The following ZRANB1 variants were observed in gnomAD, a reference collection of about 807,000 sequenced individuals.
ZRANB1 encodes zinc finger RANBP2-type containing 1.
Under a neutral mutation model 80.5 loss-of-function variants are expected in ZRANB1, and 16 were observed. The observed-to-expected ratio is 0.20, with a 90% CI of 0.13 to 0.30. The LOEUF (loss-of-function observed/expected upper bound fraction) is 0.30. ZRANB1 is among the 10% of genes least tolerant of loss of function. ZRANB1 has a pLI of 1.00. For synonymous variants in ZRANB1, 291 were observed against 293.1 expected (o/e 0.99, Z 0.07); for missense variants, 576 against 862.6 (o/e 0.67, Z 4.16).
intron 5 of ZRANB1, among the ~76,000 whole-genome samples, chr10:124,974,734 A>G (rs1038671721): frequency 6.6e-6 from 1 of 152,250 alleles, no homozygotes; most frequent in Non-Finnish European, 1.5e-5. Context: ...TTCAAGTTAT[A>G]TATAGTAGCC....
chr10:124,983,022 ATTAT>A lies in ZRANB1; in HGVS notation c.1549-150_1549-147del, dbSNP rs1271768389. On this transcript the variant is annotated intron_variant, in intron 6 of 8. Transcript: ENST00000359653. This position sits in a 1 kb window ranked among gnomAD's most constrained non-coding sequence, Gnocchi z 6.2. The stretch of plus-strand genomic sequence containing the variant: ...TTTCTTTTACAGTTTTACTGGATTT[ATTAT>A]TTGAGGAATCAAATGCTGCTTTGAC... Among the ~76,000 whole-genome samples the A allele has an allele frequency of 6.6e-6, 1 of 152,216 alleles. No homozygotes were observed.
Position 124,942,713 on chromosome 10 carries a change from C to T in ZRANB1, c.220C>T (p.Pro74Ser), listed in dbSNP as rs1474898494. ...GATATGTCCAGACTCTAGTGCAAGA[C>T]CAAGGGTGAAATCTTCGTATAGCAT... ...PLICPDSSAR[P>S]RVKSSYSMEN... is the part of the protein sequence containing the mutation. Residue 74 changes from proline (P) to serine (S), a missense_variant, in exon 1 of 9, where the codon CCA becomes TCA. Pro to Ser is a moderately conservative substitution (Grantham distance 74). Transcript: ENST00000359653. 6.2e-7 allele frequency: 1 copy of T among 1,614,192 alleles called. No homozygotes were observed. The highest frequency in any genetic ancestry group is 8.5e-7 in the Non-Finnish European group (1 of 1,180,032).
chr10:124,929,254 G>A, the ZRANB1 span, among the ~76,000 whole-genome samples: 1 of 152,006 alleles, frequency 6.6e-6, no homozygotes, highest in Non-Finnish European at 1.5e-5. Context: ...TGGTGCATTA[G>A]CAAGAGGGTA....
intron 1 of ZRANB1, among the ~76,000 whole-genome samples, chr10:124,943,762 C>G (rs1951557260): frequency 6.6e-6 from 1 of 152,104 alleles, no homozygotes; most frequent in South Asian, 2.1e-4. Context: ...AAAATATATA[C>G]CTGGACTTTA....
intron 5 of ZRANB1, among the ~76,000 whole-genome samples, chr10:124,976,311 T>C (rs1951875917): frequency 6.6e-6 from 1 of 152,144 alleles, no homozygotes; most frequent in African/African-American, 2.4e-5. Flanking sequence ...TTCCTGTTGC[T>C]GATTTTCTTA....
chr10:124,950,669 T>C (rs1428661702), intron 1 of ZRANB1, among the ~76,000 whole-genome samples: 1 of 152,112 alleles, frequency 6.6e-6, no homozygotes, highest in Non-Finnish European at 1.5e-5. Flanking sequence ...TAGAAATATC[T>C]AAATATTTCC....
intron 5 of ZRANB1, among the ~76,000 whole-genome samples, chr10:124,978,926 T>C (rs532561215): frequency 1.0e-5 from 1 of 97,688 alleles, no homozygotes; most frequent in Admixed American, 1.0e-4. Flanking sequence ...CGGCCGGGCC[T>C]GGTGGTTCAG....
At chr10:124,959,300 G>T (rs1048807204) in intron 1 of ZRANB1, among the ~76,000 whole-genome samples, 14 of 152,086 alleles carry the variant, frequency 9.2e-5, no homozygotes, top group African/African-American at 3.4e-4. Flanking sequence ...AGAGACCAAG[G>T]CATGTCAAAT....
intron 5 of ZRANB1, among the ~76,000 whole-genome samples, chr10:124,978,054 C>T (rs1951895124): frequency 6.6e-6 from 1 of 152,028 alleles, no homozygotes; most frequent in African/African-American, 2.4e-5. Flanking sequence ...GACATCCTTA[C>T]AGTATTGGGG....
rs766078718 is a variant in ZRANB1, at chr10:124,987,943, T to TATC, written c.*2954_*2956dup. 2 of 152,496 alleles carry TATC rather than the reference T, an allele frequency of 1.3e-5. No individual in the cohort carries two copies. The highest frequency in any genetic ancestry group is 4.8e-5 in the African/African-American group (2 of 41,452). 9.4% of individuals were successfully genotyped at this position (152,496 alleles called of 1,614,324 possible). A position where few individuals can be genotyped will look rare whatever the true frequency, so the allele number is the denominator to read the frequency against. On this transcript the variant is annotated 3_prime_UTR_variant, in exon 9 of 9. Coordinates refer to ENST00000359653, the MANE Select transcript of ZRANB1 (RefSeq NM_017580.3). ...ACTATTTGCAACACTTCTTTGTAAA[T>TATC]ATCATTTTGTTTGTTAGGTTATTGG...
In ZRANB1 at chr10:124,983,482, G is replaced by A. The variant is rs1951960655; in HGVS notation, c.1702G>A (p.Glu568Lys). Residue 568 changes from glutamate (E) to lysine (K), a missense_variant, in exon 8 of 9, where the codon GAA (glutamate) becomes AAA (lysine). Physicochemically the swap from Glu to Lys is moderately conservative, Grantham distance 56. Around this residue, in one of 3 missense-constraint regions of ZRANB1, gnomAD observed 152 missense variants for 221.9 expected, o/e 0.69. Coordinates refer to ENST00000359653, the MANE Select transcript of ZRANB1 (RefSeq NM_017580.3). The surrounding 1 kb of genome is among the most constrained non-coding windows in gnomAD (Gnocchi z 6.2). ...FQGVYLPLLW[E>K]QSFCWKSPIA... ...AGGTGTTTATCTGCCTTTGTTGTGG[G>A]AACAGAGTTTTTGTTGGAAAAGTCC... 1 of 1,612,136 alleles carries A rather than the reference G, an allele frequency of 6.2e-7. No homozygotes were observed. The highest frequency in any genetic ancestry group is 8.5e-7 in the Non-Finnish European group (1 of 1,178,416).
chr10:124,936,373 A>T, the ZRANB1 span, among the ~76,000 whole-genome samples: 1 of 152,216 alleles, frequency 6.6e-6, no homozygotes, highest in Admixed American at 6.5e-5. Context: ...AAACCACTAG[A>T]AAGAATCTGT....
At chr10:124,978,358 T>G (rs904420912) in intron 5 of ZRANB1, among the ~76,000 whole-genome samples, 9 of 152,202 alleles carry the variant, frequency 5.9e-5, no homozygotes, top group African/African-American at 2.2e-4. Flanking sequence ...AGATGTTTTC[T>G]TAAGTCATAT....
At chr10:124,977,711 GAAAAAAAAAAA>G (rs752296814) in intron 5 of ZRANB1, among the ~76,000 whole-genome samples, 1 of 48,722 alleles carries the variant, frequency 2.1e-5, no homozygotes, top group Non-Finnish European at 4.1e-5. Flanking sequence ...ACCCTGCTAA[GAAAAAAAAAAA>G]AAAAAAAAAA....
the ZRANB1 span, among the ~76,000 whole-genome samples, chr10:124,923,608 T>G: frequency 6.6e-6 from 1 of 151,842 alleles, no homozygotes; most frequent in Admixed American, 6.6e-5. Context: ...GATTGGTAAT[T>G]TATAAAGAAA....
intron 2 of ZRANB1, among the ~76,000 whole-genome samples, chr10:124,971,606 T>C (rs925674576): frequency 6.6e-6 from 1 of 152,224 alleles, no homozygotes; most frequent in Non-Finnish European, 1.5e-5. Flanking sequence ...TTCTAAAGAA[T>C]GTTTTTATTG....
At chr10:124,934,571 T>C in the ZRANB1 span, among the ~76,000 whole-genome samples, 3 of 152,198 alleles carry the variant, frequency 2.0e-5, no homozygotes, top group Non-Finnish European at 4.4e-5. Flanking sequence ...TTTTGCGGCT[T>C]TTAGTAGTCT....
chr10:124,959,316 G>A (rs1014562750), intron 1 of ZRANB1, among the ~76,000 whole-genome samples: 2 of 152,120 alleles, frequency 1.3e-5, no homozygotes, highest in African/African-American at 2.4e-5. Flanking sequence ...CAAATAACCC[G>A]AGAGAAGTCA....
intron 1 of ZRANB1, among the ~76,000 whole-genome samples, chr10:124,950,501 TTAATC>T (rs1381141875): frequency 6.6e-6 from 1 of 152,204 alleles, no homozygotes; most frequent in African/African-American, 2.4e-5. Flanking sequence ...ATTGTTATAT[TTAATC>T]TATTATTTTC....
Sources: gnomAD v4.1 joint callset for allele counts (sites outside exome capture counted in the v4.1 genomes callset) on GRCh38, gnomAD v4.1.1 for gene constraint, gnomAD v4.1.1 regional missense constraint, Gnocchi (gnomAD v3.1) non-coding constraint, MANE v1.5 for transcripts, NCBI Gene and HGNC (gene_info 2026-07-23, HGNC 2026-07-21) for gene names.